The following ARMH4 variants were observed in gnomAD, a reference collection of about 807,000 sequenced individuals.
The protein encoded by ARMH4 is armadillo-like helical domain-containing protein 4.
ARMH4 carries 49 observed loss-of-function variants against 61.9 expected under a neutral mutation model. The ratio of observed to expected loss-of-function variants is 0.79; its 90% CI spans 0.63 to 1.00. The LOEUF (loss-of-function observed/expected upper bound fraction) is 1.00, where lower values mean the gene tolerates loss of function less well. ARMH4 is among the 50% of genes least tolerant of loss of function. The pLI is 0.00. For synonymous variants in ARMH4, 368 were observed against 341.5 expected (o/e 1.08, Z -0.85); for missense variants, 934 against 930.0 (o/e 1.00, Z -0.06).
chr14:58,129,109 T>C (rs1566593781), intron 4 of ARMH4, among the ~76,000 whole-genome samples: 2 of 152,216 alleles, frequency 1.3e-5, no homozygotes, highest in Admixed American at 1.3e-4. Context: ...ATTTCTGTTG[T>C]TTTAAGCCAC....
chr14:58,053,561 C>A (rs958514093), intron 5 of ARMH4, among the ~76,000 whole-genome samples: 5 of 152,218 alleles, frequency 3.3e-5, no homozygotes, highest in African/African-American at 7.2e-5. Context: ...CCCAGGGAAG[C>A]CTTCTCTGAC....
At chr14:58,029,320 G>A (rs368893890) in intron 5 of ARMH4, among the ~76,000 whole-genome samples, 10 of 151,020 alleles carry the variant, frequency 6.6e-5, no homozygotes, top group South Asian at 4.2e-4. Context: ...CACAACCTCC[G>A]CCCCCCAGGT....
intron 4 of ARMH4, among the ~76,000 whole-genome samples, chr14:58,114,484 T>C (rs549304815): frequency 4.6e-5 from 7 of 152,300 alleles, no homozygotes; most frequent in Middle Eastern, 3.4e-3. Context: ...TTAAGGCATA[T>C]GTTTTACCCA....
rs772842838 is a variant in ARMH4 at position 58,138,223 on chromosome 14, G to A, written c.1136C>T (p.Ala379Val). Residue 379 changes from alanine (A) to valine (V), a missense_variant, in exon 2 of 8, where the codon GCC becomes GTC. By Grantham distance (64) the Ala-to-Val change is moderately conservative (BLOSUM62 0). Transcript: ENST00000267485. Reference sequence around the variant, plus strand: ...CTCATTCCCATGCGCTATTAGCAGGGCTGTGCCCGTGTGTGTTTCCCCTTC... The same window carrying A: ...CTCATTCCCATGCGCTATTAGCAGGACTGTGCCCGTGTGTGTTTCCCCTTC... ...LPEGETHTGTALLIAHGNERS... is the reference protein window; with the variant it reads ...LPEGETHTGTVLLIAHGNERS... 1 of 1,614,212 alleles carries A rather than the reference G, an allele frequency of 6.2e-7. No individual in the cohort carries two copies. The highest frequency in any genetic ancestry group is 8.5e-7 in the Non-Finnish European group (1 of 1,180,048).
chr14:58,053,587 GC>G (rs1022102326), intron 5 of ARMH4, among the ~76,000 whole-genome samples: 1 of 152,102 alleles, frequency 6.6e-6, no homozygotes, highest in Non-Finnish European at 1.5e-5. Context: ...TCAGGCCAAG[GC>G]CCCTGGTAGA....
At chr14:58,056,855 C>T (rs1884365067) in intron 5 of ARMH4, among the ~76,000 whole-genome samples, 1 of 152,168 alleles carries the variant, frequency 6.6e-6, no homozygotes, top group African/African-American at 2.4e-5. Context: ...TAGTCTTTTG[C>T]AGTTAGATAT....
chr14:58,121,370 C>A (rs192815992), intron 4 of ARMH4, among the ~76,000 whole-genome samples: 16 of 152,146 alleles, frequency 1.1e-4, no homozygotes, highest in South Asian at 8.3e-4. Context: ...CACACACACA[C>A]AAAAAATAGA....
At chr14:58,031,595 A>G (rs899502351) in intron 5 of ARMH4, among the ~76,000 whole-genome samples, 5 of 152,136 alleles carry the variant, frequency 3.3e-5, no homozygotes, top group African/African-American at 1.2e-4. Flanking sequence ...GAGGTTTTAT[A>G]CTCCCAGAGA....
intron 5 of ARMH4, among the ~76,000 whole-genome samples, chr14:58,017,752 T>C (rs767293116): frequency 1.3e-5 from 2 of 152,108 alleles, no homozygotes; most frequent in Non-Finnish European, 2.9e-5. Context: ...CCCAATGACA[T>C]TTTTCACAGA....
At position 58,003,442 on chromosome 14, in the gene ARMH4, C is replaced by G. The variant is rs1205073452; in HGVS notation, c.*1294G>C. The G allele has an allele frequency of 6.6e-6, 1 of 152,216 alleles. No homozygotes were observed. The highest frequency in any genetic ancestry group is 1.5e-5 in the Non-Finnish European group (1 of 68,034). 9.4% of individuals were successfully genotyped at this position (152,216 alleles called of 1,614,324 possible). ...AACTTTTCTTGAACATAGTAGACAA[C>G]TTCTAATAAACACCAACAAGTACTC... is the stretch of plus-strand genomic sequence containing the variant. On this transcript the variant is annotated 3_prime_UTR_variant, in exon 8 of 8. Transcript: ENST00000267485.
At chr14:58,137,591 TTTCACCATG>T (rs1269304148) in intron 2 of ARMH4, among the ~76,000 whole-genome samples, 1 of 152,152 alleles carries the variant, frequency 6.6e-6, no homozygotes, top group African/African-American at 2.4e-5. Flanking sequence ...AGAGATGGGG[TTTCACCATG>T]TTGGCCAGGC....
chr14:58,072,901 G>A (rs745613730), intron 5 of ARMH4, among the ~76,000 whole-genome samples: 2 of 152,014 alleles, frequency 1.3e-5, no homozygotes, highest in Non-Finnish European at 2.9e-5. Context: ...TTACAGACAG[G>A]TATCCCCATT....
At chr14:58,046,791 G>A (rs750274797) in intron 5 of ARMH4, among the ~76,000 whole-genome samples, 10 of 152,236 alleles carry the variant, frequency 6.6e-5, no homozygotes, top group Non-Finnish European at 1.3e-4. Context: ...CTCCTTTTAT[G>A]AGATAAAAAT....
intron 5 of ARMH4, among the ~76,000 whole-genome samples, chr14:58,051,771 C>T (rs1594723670): frequency 6.6e-6 from 1 of 152,024 alleles, no homozygotes; most frequent in Admixed American, 6.6e-5. Context: ...TCTGGAGGTC[C>T]CTCCAGGCTC....
chr14:58,028,086 T>C (rs1385739116), intron 5 of ARMH4, among the ~76,000 whole-genome samples: 2 of 152,160 alleles, frequency 1.3e-5, no homozygotes, highest in Non-Finnish European at 2.9e-5. Context: ...TATGAAGAAG[T>C]ACAGCCAGTC....
At chr14:58,151,544 T>C (rs1387489405) in intron 1 of ARMH4, among the ~76,000 whole-genome samples, 1 of 152,068 alleles carries the variant, frequency 6.6e-6, no homozygotes, top group Non-Finnish European at 1.5e-5. Flanking sequence ...ACTCAACTGT[T>C]TGTTTTCTGC....
In ARMH4 at chr14:58,146,252, A is replaced by G. The variant is rs115445453; in HGVS notation, c.-57+5823T>C. On this transcript the variant is annotated intron_variant, in intron 1 of 7. Coordinates refer to ENST00000267485, the MANE Select transcript of ARMH4 (RefSeq NM_001001872.4). ...AGGAGGAGAGATTCCATTGCATATT[A>G]GAATTCTGTGTCTTAATTATCTTCA... Among the ~76,000 whole-genome samples, 404 of 152,370 alleles carry G rather than the reference A, an allele frequency of 2.7e-3. 3 individuals carry two copies. The highest frequency in any genetic ancestry group is 8.8e-3 in the African/African-American group (364 of 41,584).
At chr14:58,021,951 G>T (rs924670378) in intron 5 of ARMH4, among the ~76,000 whole-genome samples, 1 of 152,064 alleles carries the variant, frequency 6.6e-6, no homozygotes, top group Non-Finnish European at 1.5e-5. Context: ...TTAATACACT[G>T]GTATAGTATA....
intron 5 of ARMH4, 61 bp downstream of exon 5, chr14:58,096,663 C>G: frequency 5.8e-6 from 9 of 1,547,258 alleles, no homozygotes; most frequent in Non-Finnish European, 7.9e-6. Context: ...AGAAGGCTGT[C>G]ATCTGAGAAA....
Sources: allele counts gnomAD v4.1 joint callset (sites outside exome capture counted in the v4.1 genomes callset), GRCh38; gene constraint gnomAD v4.1.1; transcripts MANE v1.5; gene names NCBI Gene and HGNC (gene_info 2026-07-23, HGNC 2026-07-21).